Variants in TNIK observed in about 807,000 individuals in gnomAD.
The protein encoded by TNIK is TRAF2 and NCK interacting kinase, also known as TRAF2 and NCK-interacting protein kinase.
Under a neutral mutation model 191.3 loss-of-function variants are expected in TNIK, and 49 were observed. The observed-to-expected ratio is 0.26, with a 90% CI of 0.20 to 0.32. The LOEUF is 0.32. Among genes scored for constraint, TNIK ranks in the 10% least tolerant of loss-of-function variants. The pLI is 1.00. For missense variants in TNIK, 1,155 were observed against 1,702.3 expected, an observed-to-expected ratio of 0.68 and a Z score of 5.66; for synonymous variants, 594 against 600.9, an observed-to-expected ratio of 0.99 and a Z score of 0.17.
chr3:171,240,920 T>C lies in TNIK; in HGVS notation c.124-12699A>G, dbSNP rs1376751990. On this transcript the variant is annotated intron_variant, in intron 2 of 32. Transcript: ENST00000436636. ...GTCTTGTTCACTATTCTGTCTTCAG[T>C]AGCAGATCAGTGCCCGCATGGTGGG... 2.6e-5 allele frequency among the ~76,000 whole-genome samples: 4 copies of C among 152,210 alleles called. No individual in the cohort carries two copies. The East Asian group carries it at 7.7e-4, about 29-fold the overall frequency.
At chr3:171,253,245 C>G (rs372503036) in intron 2 of TNIK, among the ~76,000 whole-genome samples, 1 of 150,064 alleles carries the variant, frequency 6.7e-6, no homozygotes, top group Non-Finnish European at 1.5e-5. Context: ...GATCACACCA[C>G]TGCACTCCAG....
Position 171,066,312 on chromosome 3 carries a change from T to A in TNIK, c.3874A>T (p.Asn1292Tyr). 6.2e-7 allele frequency: 1 copy of A among 1,613,914 alleles called. No individual in the cohort carries two copies. The highest frequency in any genetic ancestry group is 8.5e-7 in the Non-Finnish European group (1 of 1,179,860). ...TTCTCGCCCCAGCCCATTATCTGAT[T>A]GGAATGAATGTAGGCTGTCAAAAGG... The part of the protein sequence containing the change: ...MPTSVAYIHS[N>Y]QIMGWGEKAI... Residue 1292 changes from asparagine (N) to tyrosine (Y), a missense_variant, in exon 32 of 33, where the codon AAT becomes TAT. By Grantham distance (143) the Asn-to-Tyr change is moderately radical (BLOSUM62 -2). Around this residue, in one of 3 missense-constraint regions of TNIK, gnomAD observed 195 missense variants for 415.4 expected, o/e 0.47. Coordinates refer to ENST00000436636, the MANE Select transcript of TNIK (RefSeq NM_015028.4).
chr3:171,302,671 A>G (rs1452835610), intron 2 of TNIK, among the ~76,000 whole-genome samples: 1 of 152,228 alleles, frequency 6.6e-6, no homozygotes, highest in Admixed American at 6.5e-5. Flanking sequence ...TGAATTCATT[A>G]TATGTTTTAA....
In TNIK at chr3:171,071,269, AT is replaced by A; in HGVS notation, c.3502del (p.Ile1168TyrfsTer27). On this transcript the variant is annotated frameshift_variant, in exon 29 of 33. Coordinates refer to ENST00000436636, the MANE Select transcript of TNIK (RefSeq NM_015028.4). LOFTEE classifies it high-confidence loss of function. The part of the protein sequence containing the change: ...LVIALKNAVE[I>X]YAWAPKPYHK... ...ATACGGTTTAGGAGCCCAAGCATAT[AT>A]TTCCACAGCATTCTTTAAGGCAATC... is the stretch of plus-strand genomic sequence containing the variant. 6.2e-7 allele frequency: 1 copy of A among 1,606,986 alleles called. No homozygotes were observed. The highest frequency in any genetic ancestry group is 1.1e-5 in the South Asian group (1 of 89,452).
chr3:171,387,684 A>G (rs545084488), intron 1 of TNIK, among the ~76,000 whole-genome samples: 21 of 152,302 alleles, frequency 1.4e-4, no homozygotes, highest in African/African-American at 5.1e-4. Context: ...GAAGTGAAAA[A>G]TCTGCGTCAT....
chr3:171,370,055 T>C (rs1343231214), intron 1 of TNIK, among the ~76,000 whole-genome samples: 1 of 152,204 alleles, frequency 6.6e-6, no homozygotes. Flanking sequence ...AAGGTTCTAA[T>C]GTTCCAGGGT....
intron 2 of TNIK, among the ~76,000 whole-genome samples, chr3:171,339,129 C>T (rs1757269593): frequency 6.6e-6 from 1 of 152,206 alleles, no homozygotes; most frequent in Non-Finnish European, 1.5e-5. Flanking sequence ...CTCCATTTCA[C>T]TCATTGGCAC....
At chr3:171,069,236 G>C (rs1348583836) in intron 29 of TNIK, among the ~76,000 whole-genome samples, 1 of 152,002 alleles carries the variant, frequency 6.6e-6, no homozygotes, top group Non-Finnish European at 1.5e-5. Flanking sequence ...TTGGTGCACA[G>C]GTGTAAATTT....
chr3:171,326,738 T>G (rs556542884), intron 2 of TNIK, among the ~76,000 whole-genome samples: 1 of 152,350 alleles, frequency 6.6e-6, no homozygotes, highest in South Asian at 2.1e-4. Flanking sequence ...GAAATCATCC[T>G]TTGAGAAACA....
intron 2 of TNIK, among the ~76,000 whole-genome samples, chr3:171,236,989 C>G (rs909666263): frequency 2.0e-5 from 3 of 152,134 alleles, no homozygotes; most frequent in African/African-American, 7.2e-5. Context: ...TTTCATTTTG[C>G]CTAATGTATG....
intron 2 of TNIK, among the ~76,000 whole-genome samples, chr3:171,340,601 G>A (rs911920501): frequency 2.0e-5 from 3 of 152,202 alleles, no homozygotes; most frequent in Non-Finnish European, 2.9e-5. Flanking sequence ...ACTTACTCGT[G>A]GACTTTACTC....
chr3:171,379,748 C>T (rs1452416653), intron 1 of TNIK, among the ~76,000 whole-genome samples: 2 of 152,172 alleles, frequency 1.3e-5, no homozygotes, highest in African/African-American at 4.8e-5. Flanking sequence ...CAGTGGCTCA[C>T]GCCTGTAATC....
intron 2 of TNIK, among the ~76,000 whole-genome samples, chr3:171,327,931 A>T (rs969849454): frequency 7.5e-6 from 1 of 132,556 alleles, no homozygotes; most frequent in Non-Finnish European, 1.6e-5. Flanking sequence ...AAAAAAAAAA[A>T]TCACTTGTTT....
At chr3:171,339,354 A>C (rs938772403) in intron 2 of TNIK, among the ~76,000 whole-genome samples, 1 of 152,222 alleles carries the variant, frequency 6.6e-6, no homozygotes. Context: ...AGCTCAGTTC[A>C]TTAGAGAAGC....
chr3:171,084,602 G>A (rs1226036815), intron 25 of TNIK, among the ~76,000 whole-genome samples: 1 of 152,114 alleles, frequency 6.6e-6, no homozygotes, highest in Non-Finnish European at 1.5e-5. Flanking sequence ...CCCCACTCTT[G>A]TATATAGGCA....
chr3:171,226,778 G>T (rs1373468397), intron 3 of TNIK, among the ~76,000 whole-genome samples: 1 of 152,030 alleles, frequency 6.6e-6, no homozygotes, highest in Non-Finnish European at 1.5e-5. Context: ...GAGGAATTTA[G>T]ATCAATAATA....
At chr3:171,295,090 A>G (rs959549741) in intron 2 of TNIK, among the ~76,000 whole-genome samples, 3 of 152,104 alleles carry the variant, frequency 2.0e-5, no homozygotes, top group Non-Finnish European at 4.4e-5. Context: ...AGAGATATAT[A>G]TCCTTCTGTT....
chr3:171,285,554 G>A (rs959811498), intron 2 of TNIK, among the ~76,000 whole-genome samples: 2 of 152,330 alleles, frequency 1.3e-5, no homozygotes, highest in African/African-American at 4.8e-5. Flanking sequence ...AGTGAAGGCT[G>A]TGGCACAGTT....
intron 1 of TNIK, among the ~76,000 whole-genome samples, chr3:171,371,631 C>CGACCA (rs1369103973): frequency 3.3e-5 from 5 of 152,220 alleles, no homozygotes; most frequent in Middle Eastern, 3.4e-3. Flanking sequence ...AGCTCTGAGT[C>CGACCA]GACCAACACC....
Sources: gnomAD v4.1 joint callset for allele counts (sites outside exome capture counted in the v4.1 genomes callset) on GRCh38, gnomAD v4.1.1 for gene constraint, gnomAD v4.1.1 regional missense constraint, MANE v1.5 for transcripts, NCBI Gene and HGNC (gene_info 2026-07-23, HGNC 2026-07-21) for gene names.